The following METTL21A variants were observed in gnomAD, a reference collection of about 807,000 sequenced individuals.
The protein encoded by METTL21A is protein N-lysine methyltransferase METTL21A.
A neutral mutation model predicts 20.9 loss-of-function variants in METTL21A; 22 were observed. The observed-to-expected ratio is 1.05, with a 90% CI of 0.75 to 1.50. The LOEUF (loss-of-function observed/expected upper bound fraction) is 1.50. METTL21A is among the 40% of genes most tolerant of loss of function. The pLI, the probability that METTL21A is intolerant of heterozygous loss-of-function variation, is 0.00. For missense variants in METTL21A, 271 were observed against 266.8 expected (o/e 1.02, Z -0.11); for synonymous variants, 93 against 102.0 (o/e 0.91, Z 0.53).
chr2:207,599,244 C>A (rs935810511), intron 3 of METTL21A: 3 of 198,372 alleles, frequency 1.5e-5, no homozygotes, highest in Admixed American at 1.2e-4. Context: ...ATTGTGTAAC[C>A]GCATAGATAT....
intron 3 of METTL21A, among the ~76,000 whole-genome samples, chr2:207,620,026 A>G (rs559733031): frequency 6.6e-6 from 1 of 152,354 alleles, no homozygotes; most frequent in Non-Finnish European, 1.5e-5. Context: ...CTACACTAAC[A>G]TGTCTATACA....
At chr2:207,603,514 C>T (rs2087491200) in intron 3 of METTL21A, 1 of 224,006 alleles carries the variant, frequency 4.5e-6, no homozygotes, top group African/African-American at 2.2e-5. Context: ...TTTTATTGGA[C>T]TTAAAGTTAC....
At chr2:207,613,004 A>G in exon 4 of METTL21A, 1 of 1,512,256 alleles carries the variant, frequency 6.6e-7, no homozygotes, top group South Asian at 1.3e-5. Context: ...TAAGACCTTA[A>G]GTGACACACT....
rs2087427948 is a variant in METTL21A, at chr2:207,603,275, TAGC to T, written c.259+18528_259+18530del. Reference sequence around the variant, plus strand: ...AATAGCTGCTTTGTGTTCAGAATAGTAGCAGTTGCTTTGTATATTAAAGTGATC... The same window carrying T: ...AATAGCTGCTTTGTGTTCAGAATAGTAGTTGCTTTGTATATTAAAGTGATC... On this transcript the variant is annotated intron_variant, in intron 3 of 3. Transcript: ENST00000425132. The T allele has an allele frequency of 2.7e-5, 6 of 221,404 alleles. No homozygotes were observed. In the South Asian group the frequency reaches 5.5e-4, roughly 20 times the overall value. 13.7% of individuals were successfully genotyped at this position (221,404 alleles called of 1,614,324 possible).
chr2:207,581,120 G>A (rs1360623368), downstream of METTL21A: 1 of 212,510 alleles, frequency 4.7e-6, no homozygotes, highest in Non-Finnish European at 9.5e-6. Flanking sequence ...AGTAACAAAG[G>A]AAAAGGTTAA....
intron 3 of METTL21A, chr2:207,597,235 C>A (rs561431993): frequency 3.4e-6 from 2 of 592,240 alleles, no homozygotes; most frequent in Non-Finnish European, 5.3e-6. Flanking sequence ...GTGAATGTTC[C>A]AACACCTGCC....
chr2:207,621,013 T>C (rs2709415), intron 3 of METTL21A, among the ~76,000 whole-genome samples: 147,890 of 152,244 alleles, frequency 0.97, 71,972 homozygotes, highest in East Asian at 1. Context: ...TCCCAGGCCC[T>C]GGTCCAGCCC....
intron 3 of METTL21A, among the ~76,000 whole-genome samples, chr2:207,604,055 C>T (rs2087614751): frequency 6.6e-6 from 1 of 152,134 alleles, no homozygotes; most frequent in South Asian, 2.1e-4. Context: ...CAAAATGAGA[C>T]ATTTTGAGAG....
At chr2:207,584,203 T>G (rs1263359301) in intron 3 of METTL21A, among the ~76,000 whole-genome samples, 1 of 152,250 alleles carries the variant, frequency 6.6e-6, no homozygotes, top group Non-Finnish European at 1.5e-5. Context: ...TGTAACTAAC[T>G]GTATATTTAA....
At chr2:207,605,993 C>T (rs1409375677), downstream of METTL21A, among the ~76,000 whole-genome samples, 1 of 152,178 alleles carries the variant, frequency 6.6e-6, no homozygotes, top group Non-Finnish European at 1.5e-5. Context: ...CACAGACTTT[C>T]ATAAGGCTTT....
chr2:207,616,267 C>A (rs1385048931), intron 3 of METTL21A, among the ~76,000 whole-genome samples: 1 of 152,200 alleles, frequency 6.6e-6, no homozygotes, highest in African/African-American at 2.4e-5. Context: ...ACAGAGCACT[C>A]TGCAGGCAAT....
intron 3 of METTL21A, among the ~76,000 whole-genome samples, chr2:207,618,059 A>G (rs1034970425): frequency 2.6e-5 from 4 of 152,254 alleles, no homozygotes; most frequent in African/African-American, 4.8e-5. Context: ...CACACAAGCC[A>G]TAAGTTCAGC....
At chr2:207,592,911 C>CAAAAAAGAAAAAAAGAA (rs146008919) in intron 3 of METTL21A, among the ~76,000 whole-genome samples, 1 of 145,122 alleles carries the variant, frequency 6.9e-6, no homozygotes, top group Non-Finnish European at 1.5e-5. Context: ...GACTCCATCT[C>CAAAAAAGAAAAAAAGAA]AAAAAAGAAA....
intron 3 of METTL21A, among the ~76,000 whole-genome samples, chr2:207,585,521 T>C (rs2106634665): frequency 6.6e-6 from 1 of 152,192 alleles, no homozygotes; most frequent in South Asian, 2.1e-4. Context: ...AAACATAAAA[T>C]ACTGAGGAAA....
In METTL21A at chr2:207,621,837, C is replaced by T. The variant is rs371136705; in HGVS notation, c.228G>A (p.Thr76=). The T allele has an allele frequency of 9.3e-6, 15 of 1,614,206 alleles. No homozygotes were observed. The African/African-American group carries it at 1.5e-4, about 16-fold the overall frequency. Residue 76 remains threonine (T), a synonymous_variant, in exon 3 of 4, where the codon ACG becomes ACA. Coordinates refer to ENST00000406927, the Ensembl canonical transcript of METTL21A. ...GGGCAGCCACTATGCCCACCAGCCC[C>T]GTGCCAGCACCCAGCTCCACGGCAG...
chr2:207,587,090 G>T (rs1165148924), intron 3 of METTL21A, among the ~76,000 whole-genome samples: 1 of 152,106 alleles, frequency 6.6e-6, no homozygotes, highest in Non-Finnish European at 1.5e-5. Context: ...ACGGTGTGGA[G>T]GTTTCTCAAA....
chr2:207,621,515 C>T (rs1271443334), intron 3 of METTL21A, among the ~76,000 whole-genome samples: 2 of 152,098 alleles, frequency 1.3e-5, no homozygotes, highest in South Asian at 2.1e-4. Context: ...ACTTTAAGAT[C>T]GTATTATTGG....
At chr2:207,620,737 A>G in intron 3 of METTL21A, 1 of 1,522,476 alleles carries the variant, frequency 6.6e-7, no homozygotes, top group Non-Finnish European at 8.8e-7. Flanking sequence ...ATTTACACAG[A>G]CTTTCAACCA....
chr2:207,595,489 T>C (rs1395033371), intron 3 of METTL21A, among the ~76,000 whole-genome samples: 1 of 152,060 alleles, frequency 6.6e-6, no homozygotes, highest in African/African-American at 2.4e-5. Flanking sequence ...GGCATGATCA[T>C]GGCTCACTGC....
Sources: allele counts gnomAD v4.1 joint callset (sites outside exome capture counted in the v4.1 genomes callset), GRCh38; gene constraint gnomAD v4.1.1; transcripts MANE v1.5; gene names NCBI Gene and HGNC (gene_info 2026-07-23, HGNC 2026-07-21).